AUTS2: variants seen among roughly 807,000 people sequenced by gnomAD.
AUTS2 encodes activator of transcription and developmental regulator AUTS2.
A neutral mutation model predicts 112.4 loss-of-function variants in AUTS2; 17 were observed. The observed-to-expected ratio is 0.15, with a 90% CI of 0.10 to 0.23. The LOEUF (loss-of-function observed/expected upper bound fraction) is 0.23, where lower values mean the gene tolerates loss of function less well. Among genes scored for constraint, AUTS2 ranks in the 10% least tolerant of loss-of-function variants. The pLI, the probability that AUTS2 is intolerant of heterozygous loss-of-function variation, is 1.00. For synonymous variants in AUTS2, 751 were observed against 702.7 expected (o/e 1.07, Z -1.09); for missense variants, 1,510 against 1,701.6 (o/e 0.89, Z 1.98).
intron 5 of AUTS2, among the ~76,000 whole-genome samples, chr7:70,660,935 T>C (rs1351861764): frequency 6.6e-6 from 1 of 152,198 alleles, no homozygotes; most frequent in Non-Finnish European, 1.5e-5. Flanking sequence ...CATAACACTG[T>C]GCAGATGGAA....
In AUTS2 at chr7:70,787,193, C is replaced by G. The variant is rs1203035898; in HGVS notation, c.2309-16C>G. ...ATTTCTCTTAAACCTTTTTGTTCTCCACTTCACCATTTCAGCACCCAACTC... is the reference window on the plus strand; with the variant it reads ...ATTTCTCTTAAACCTTTTTGTTCTCGACTTCACCATTTCAGCACCCAACTC... On this transcript the variant is annotated splice_polypyrimidine_tract_variant and intron_variant, in intron 17 of 18. Transcript: ENST00000342771. 2 of 1,612,910 alleles carry G rather than the reference C, an allele frequency of 1.2e-6. No homozygotes were observed. The highest frequency in any genetic ancestry group is 3.3e-4 in the Middle Eastern group (2 of 6,082).
At chr7:70,236,493 A>G (rs1335442549) in intron 4 of AUTS2, among the ~76,000 whole-genome samples, 1 of 152,174 alleles carries the variant, frequency 6.6e-6, no homozygotes, top group East Asian at 1.9e-4. Flanking sequence ...TCTTCTCAAT[A>G]AAAAGTACTT....
intron 1 of AUTS2, among the ~76,000 whole-genome samples, chr7:69,766,099 C>T (rs184035069): frequency 1.2e-4 from 19 of 152,296 alleles, no homozygotes; most frequent in African/African-American, 4.1e-4. Context: ...AAATAACAAC[C>T]GCCCATTCTC....
chr7:70,233,578 A>G (rs1192903714), intron 4 of AUTS2, among the ~76,000 whole-genome samples: 3 of 152,208 alleles, frequency 2.0e-5, no homozygotes, highest in Admixed American at 6.5e-5. Context: ...ACATTTGTCA[A>G]ATTTAACTTA....
intron 4 of AUTS2, among the ~76,000 whole-genome samples, chr7:70,315,092 C>A (rs1462118944): frequency 2.0e-5 from 3 of 152,180 alleles, no homozygotes; most frequent in Non-Finnish European, 4.4e-5. Context: ...TTAATACCCA[C>A]CAATGACTTT....
At chr7:70,415,324 A>G (rs577915114) in intron 4 of AUTS2, among the ~76,000 whole-genome samples, 1 of 152,160 alleles carries the variant, frequency 6.6e-6, no homozygotes, top group Non-Finnish European at 1.5e-5. Context: ...TCAACTGGAA[A>G]ATATAGTCAG....
At chr7:70,191,733 T>C (rs1046767186) in intron 4 of AUTS2, among the ~76,000 whole-genome samples, 36 of 152,274 alleles carry the variant, frequency 2.4e-4, no homozygotes, top group African/African-American at 8.7e-4. Flanking sequence ...TTTTAATTGC[T>C]CTGATTTTAC....
intron 4 of AUTS2, among the ~76,000 whole-genome samples, chr7:70,216,625 AGTT>A (rs1341289833): frequency 1.3e-5 from 2 of 152,222 alleles, no homozygotes; most frequent in African/African-American, 2.4e-5. Context: ...GACTAATGAG[AGTT>A]GTTGTATAAA....
At chr7:70,421,704 T>A (rs985186146) in intron 4 of AUTS2, among the ~76,000 whole-genome samples, 2 of 152,228 alleles carry the variant, frequency 1.3e-5, no homozygotes, top group African/African-American at 2.4e-5. Flanking sequence ...TCCCCTTGAT[T>A]TTAATCAGAA....
intron 5 of AUTS2, among the ~76,000 whole-genome samples, chr7:70,697,566 C>CCCG (rs1554464427): frequency 1.4e-5 from 2 of 138,792 alleles, no homozygotes; most frequent in Non-Finnish European, 3.2e-5. Flanking sequence ...GAATTCCCCC[C>CCCG]CCCCATTTCC....
chr7:70,496,701 G>A (rs1441631532), intron 5 of AUTS2, among the ~76,000 whole-genome samples: 1 of 48,436 alleles, frequency 2.1e-5, no homozygotes, highest in Non-Finnish European at 3.9e-5. Context: ...CACGTACACA[G>A]TCACACACGC....
At chr7:70,444,956 G>C (rs1449911811) in intron 5 of AUTS2, among the ~76,000 whole-genome samples, 3 of 152,102 alleles carry the variant, frequency 2.0e-5, no homozygotes, top group Non-Finnish European at 4.4e-5. Flanking sequence ...TGCTACTAAT[G>C]TCTTCGGTCA....
chr7:69,634,528 G>C (rs564223093), intron 1 of AUTS2, among the ~76,000 whole-genome samples: 2 of 152,240 alleles, frequency 1.3e-5, no homozygotes, highest in African/African-American at 4.8e-5. Context: ...AATATTGTAG[G>C]CTAATGAACA....
chr7:69,887,715 C>A (rs1794338408), intron 1 of AUTS2, among the ~76,000 whole-genome samples: 2 of 152,156 alleles, frequency 1.3e-5, no homozygotes, highest in Non-Finnish European at 2.9e-5. Flanking sequence ...TTTTCACTGG[C>A]TAATCAGAGT....
intron 1 of AUTS2, among the ~76,000 whole-genome samples, chr7:69,840,241 G>A (rs142456145): frequency 6.6e-4 from 101 of 152,212 alleles, no homozygotes; most frequent in Admixed American, 2.6e-3. Context: ...TCCAAAAAGC[G>A]TTTCTCAGAG....
intron 1 of AUTS2, among the ~76,000 whole-genome samples, chr7:69,736,367 G>C (rs1787032264): frequency 1.3e-5 from 2 of 152,148 alleles, no homozygotes; most frequent in South Asian, 4.2e-4. Context: ...GATTTGCTTT[G>C]ACTTGGGTAT....
chr7:70,708,242 C>G (rs1206944521), intron 6 of AUTS2, among the ~76,000 whole-genome samples: 1 of 152,176 alleles, frequency 6.6e-6, no homozygotes, highest in Non-Finnish European at 1.5e-5. Flanking sequence ...CATAGTAAAG[C>G]TCCTCTCCCC....
intron 2 of AUTS2, among the ~76,000 whole-genome samples, chr7:70,046,857 G>A (rs1021615857): frequency 2.0e-5 from 3 of 152,156 alleles, no homozygotes; most frequent in African/African-American, 7.2e-5. Context: ...AAGAGTGGTG[G>A]TGCTATATTG....
At chr7:69,736,245 A>G (rs192469395) in intron 1 of AUTS2, among the ~76,000 whole-genome samples, 8 of 152,150 alleles carry the variant, frequency 5.3e-5, no homozygotes, top group Admixed American at 3.9e-4. Context: ...CTCCTTCTCA[A>G]TCTATACTTG....
Sources: gnomAD v4.1 joint callset for allele counts (sites outside exome capture counted in the v4.1 genomes callset) on GRCh38, gnomAD v4.1.1 for gene constraint, MANE v1.5 for transcripts, NCBI Gene and HGNC (gene_info 2026-07-23, HGNC 2026-07-21) for gene names.